SLCO1B3: variants seen among roughly 807,000 people sequenced by gnomAD.
The protein encoded by SLCO1B3 is liver-specific organic anion transporter 2.
A neutral mutation model predicts 71.8 loss-of-function variants in SLCO1B3; 72 were observed. The ratio of observed to expected loss-of-function variants is 1.00; its 90% CI spans 0.83 to 1.22. The LOEUF is 1.22. Among genes scored for constraint, SLCO1B3 ranks in the 50% most tolerant of loss-of-function variants. The pLI is 0.00. For missense variants in SLCO1B3, 911 were observed against 819.7 expected, an observed-to-expected ratio of 1.11 and a Z score of -1.36; for synonymous variants, 298 against 278.4, an observed-to-expected ratio of 1.07 and a Z score of -0.70.
chr12:20,837,350 C>A (rs1028690335), intron 3 of SLCO1B3, among the ~76,000 whole-genome samples: 12 of 151,876 alleles, frequency 7.9e-5, no homozygotes, highest in Admixed American at 2.0e-4. Flanking sequence ...TAACTTTCTT[C>A]TTCTTGCTTT....
chr12:20,887,889 G>C (rs1865823798), intron 13 of SLCO1B3, among the ~76,000 whole-genome samples: 5 of 151,764 alleles, frequency 3.3e-5, no homozygotes, highest in Admixed American at 2.6e-4. Context: ...TCCTTTTTCA[G>C]TTAATTTTTA....
chr12:20,862,127 T>C (rs568421366), intron 6 of SLCO1B3, among the ~76,000 whole-genome samples: 1 of 152,264 alleles, frequency 6.6e-6, no homozygotes, highest in South Asian at 2.1e-4. Context: ...TTTTTAAATA[T>C]GTAATGTACA....
At position 20,861,070 on chromosome 12, in the gene SLCO1B3, G is replaced by T. The variant is rs369529563; in HGVS notation, c.413G>T (p.Ser138Ile). ...AATCCATCAGAAAATTCAACATCAA[G>T]TTTATCAACCTGTTTAATTAATCAA... ...HINPSENSTS[S>I]LSTCLINQTL... The change falls in exon 6 of 16, where the codon AGT (serine) becomes ATT (isoleucine). Residue 138 changes from serine (S) to isoleucine (I), a missense_variant. Coordinates refer to ENST00000381545, the MANE Select transcript of SLCO1B3 (RefSeq NM_019844.4). 1.6e-4 allele frequency: 263 copies of T among 1,602,868 alleles called. No individual in the cohort carries two copies. The highest frequency in any genetic ancestry group is 1.9e-4 in the Non-Finnish European group (222 of 1,173,010).
intron 3 of SLCO1B3, among the ~76,000 whole-genome samples, chr12:20,849,711 T>TCACACACACACACACACA: frequency 7.9e-6 from 1 of 126,372 alleles, no homozygotes; most frequent in East Asian, 2.3e-4. Flanking sequence ...TAGTAGAAAA[T>TCACACACACACACACACA]CACACACACA....
intron 13 of SLCO1B3, among the ~76,000 whole-genome samples, chr12:20,897,050 C>A (rs553001155): frequency 6.6e-6 from 1 of 152,246 alleles, no homozygotes; most frequent in East Asian, 1.9e-4. Flanking sequence ...CCCACCGGAT[C>A]CCTCCCACAA....
intron 15 of SLCO1B3, 103 bp from the exon 16 acceptor site, chr12:20,915,901 C>T (rs997828471): frequency 3.8e-6 from 3 of 779,616 alleles, no homozygotes; most frequent in Non-Finnish European, 6.1e-6. Context: ...GTATGTGTAA[C>T]TTGTTTTTCT....
At chr12:20,879,954 G>A (rs1865658527) in intron 11 of SLCO1B3, among the ~76,000 whole-genome samples, 1 of 151,950 alleles carries the variant, frequency 6.6e-6, no homozygotes, top group African/African-American at 2.4e-5. Context: ...GGCTAGCAAT[G>A]TTAAGATTAA....
At chr12:20,901,115 C>T (rs1866122907) in intron 14 of SLCO1B3, among the ~76,000 whole-genome samples, 1 of 152,090 alleles carries the variant, frequency 6.6e-6, no homozygotes, top group African/African-American at 2.4e-5. Flanking sequence ...ACTCTTTCTT[C>T]CCTCTGTATA....
intron 8 of SLCO1B3, among the ~76,000 whole-genome samples, chr12:20,867,163 G>A (rs190473583): frequency 4.7e-4 from 71 of 152,198 alleles, no homozygotes; most frequent in Middle Eastern, 3.4e-3. Flanking sequence ...CCCTCTAGAT[G>A]TGGGGTCCTA....
At chr12:20,847,139 A>G (rs1440849483) in intron 3 of SLCO1B3, among the ~76,000 whole-genome samples, 33 of 152,150 alleles carry the variant, frequency 2.2e-4, no homozygotes. Context: ...ACTCACTTGT[A>G]AAACACCTGA....
At chr12:20,829,636 T>A (rs551063234) in intron 3 of SLCO1B3, among the ~76,000 whole-genome samples, 1 of 152,290 alleles carries the variant, frequency 6.6e-6, no homozygotes, top group African/African-American at 2.4e-5. Flanking sequence ...TTCTTGGATC[T>A]TGCTCAAGAA....
At chr12:20,817,886 G>A (rs1565575746) in intron 3 of SLCO1B3, among the ~76,000 whole-genome samples, 1 of 152,150 alleles carries the variant, frequency 6.6e-6, no homozygotes, top group Admixed American at 6.5e-5. Context: ...ACCGTGCCTG[G>A]CCACTCTGTA....
chr12:20,859,298 A>G (rs564605802), intron 5 of SLCO1B3, among the ~76,000 whole-genome samples: 2 of 152,264 alleles, frequency 1.3e-5, no homozygotes, highest in Admixed American at 1.3e-4. Context: ...TTACACATAG[A>G]TATGTAGATG....
At chr12:20,854,133 T>C (rs966322770) in intron 3 of SLCO1B3, among the ~76,000 whole-genome samples, 5 of 152,106 alleles carry the variant, frequency 3.3e-5, no homozygotes, top group Non-Finnish European at 4.4e-5. Flanking sequence ...CGGTGGTCTA[T>C]CTTGGAGAAT....
chr12:20,913,078 T>C (rs1258014615), intron 15 of SLCO1B3, among the ~76,000 whole-genome samples: 2 of 152,164 alleles, frequency 1.3e-5, no homozygotes. Context: ...CTGTTTGATG[T>C]AGTAGGTTAC....
At chr12:20,815,629 T>C in intron 2 of SLCO1B3, 45 bp from the exon 3 acceptor site, 2 of 684,232 alleles carry the variant, frequency 2.9e-6, no homozygotes, top group Non-Finnish European at 5.0e-6. Flanking sequence ...TTTTAAATTG[T>C]ATATTGTTAA....
At chr12:20,849,976 G>A (rs11045556) in intron 3 of SLCO1B3, among the ~76,000 whole-genome samples, 108,378 of 149,704 alleles carry the variant, frequency 0.72, 41,691 homozygotes, top group South Asian at 0.87. Flanking sequence ...TGAAATGACA[G>A]TGCTACCCAG....
chr12:20,854,811 T>C (rs1039361109), intron 3 of SLCO1B3, among the ~76,000 whole-genome samples: 4 of 152,158 alleles, frequency 2.6e-5, no homozygotes, highest in Non-Finnish European at 5.9e-5. Context: ...CCTCTAGCAA[T>C]CGAATGTTGT....
chr12:20,892,133 T>C (rs1223415347), intron 13 of SLCO1B3, among the ~76,000 whole-genome samples: 2 of 152,154 alleles, frequency 1.3e-5, no homozygotes, highest in Non-Finnish European at 2.9e-5. Flanking sequence ...ATCTATCTTC[T>C]TTATACTTCC....
Sources: gnomAD v4.1 joint callset for allele counts (sites outside exome capture counted in the v4.1 genomes callset) on GRCh38, gnomAD v4.1.1 for gene constraint, MANE v1.5 for transcripts, NCBI Gene and HGNC (gene_info 2026-07-23, HGNC 2026-07-21) for gene names.